SDK2: variants seen among roughly 807,000 people sequenced by gnomAD.
The protein encoded by SDK2 is sidekick cell adhesion molecule 2, also known as protein sidekick-2.
SDK2 carries 105 observed loss-of-function variants against 253.9 expected under a neutral mutation model. That is an observed-to-expected ratio of 0.41 (90% CI 0.35 to 0.49). The LOEUF (loss-of-function observed/expected upper bound fraction) is 0.49, where lower values mean the gene tolerates loss of function less well. Ranked by LOEUF, SDK2 falls within the 20% of genes least tolerant of loss-of-function variation. SDK2 has a pLI of 0.06. For synonymous variants in SDK2, 1,249 were observed against 1,234.9 expected (o/e 1.01, Z -0.24); for missense variants, 2,608 against 3,003.0 (o/e 0.87, Z 3.07).
chr17:73,411,679 C>T (rs148265436), intron 18 of SDK2, among the ~76,000 whole-genome samples: 3,660 of 152,188 alleles, frequency 0.024, 87 homozygotes, highest in Non-Finnish European at 0.033. Flanking sequence ...ACGAGAGAAC[C>T]GGGCCTGGGC....
At chr17:73,409,535 C>A (rs1034660272) in intron 18 of SDK2, among the ~76,000 whole-genome samples, 2 of 151,710 alleles carry the variant, frequency 1.3e-5, no homozygotes, top group Admixed American at 1.3e-4. Context: ...GAGGCTGAGG[C>A]ACAAGAATCG....
At chr17:73,595,662 A>T (rs1311555768) in intron 1 of SDK2, among the ~76,000 whole-genome samples, 2 of 152,212 alleles carry the variant, frequency 1.3e-5, no homozygotes, top group Non-Finnish European at 2.9e-5. Flanking sequence ...GCCCCAGGGC[A>T]GGCAGGAAGC....
intron 38 of SDK2, among the ~76,000 whole-genome samples, 165 bp from the exon 39 acceptor site, chr17:73,362,010 C>T (rs1284291183): frequency 2.0e-5 from 3 of 152,222 alleles, no homozygotes; most frequent in Admixed American, 2.0e-4. Context: ...AACCACATTG[C>T]CCATGCTGTG....
At chr17:73,535,934 A>T (rs55902840) in intron 1 of SDK2, among the ~76,000 whole-genome samples, 44,313 of 151,898 alleles carry the variant, frequency 0.29, 6,914 homozygotes, top group South Asian at 0.41. Context: ...CCCACCCACC[A>T]AGCACATCCT....
rs1260667764 is a variant in SDK2 at position 73,644,134 on chromosome 17, C to T, written c.-46G>A. The T allele has an allele frequency of 1.3e-6, 2 of 1,488,940 alleles. No individual in the cohort carries two copies. Among genetic ancestry groups the T allele is most frequent in the South Asian group, 2.4e-5 (2 of 82,654 alleles). The allele number at this position is 1,488,940 out of a possible 1,614,324, so 92.2% of individuals were successfully genotyped here. A position where few individuals can be genotyped will look rare whatever the true frequency, so the allele number is the denominator to read the frequency against. ...GTCCTCGGGGTCTCCCTTCCCTCCG[C>T]CCTGTTTTATAATCCTGGTGGGGTC... On this transcript the variant is annotated 5_prime_UTR_variant, in exon 1 of 45. Transcript: ENST00000392650. This position sits in a 1 kb window ranked among gnomAD's most constrained non-coding sequence, Gnocchi z 6.3.
chr17:73,595,473 C>T (rs905108451), intron 1 of SDK2, among the ~76,000 whole-genome samples: 2 of 152,154 alleles, frequency 1.3e-5, no homozygotes, highest in Non-Finnish European at 2.9e-5. Context: ...ACCAGCCTCC[C>T]ACACAGCCAT....
chr17:73,443,565 C>G lies in SDK2; in HGVS notation c.614-2642G>C, dbSNP rs1015422497. On this transcript the variant is annotated intron_variant, in intron 5 of 44. Transcript: ENST00000392650. This position sits in a 1 kb window ranked among gnomAD's most constrained non-coding sequence, Gnocchi z 4.6. ...AAGGCGAGTTCTGAGTTTAAAAATA[C>G]GAGGGCTGCCCCAGGGCTCAGGGCT... Among the ~76,000 whole-genome samples, 1 of 152,176 alleles carries G rather than the reference C, an allele frequency of 6.6e-6. No individual in the cohort carries two copies. Among genetic ancestry groups the G allele is most frequent in the Non-Finnish European group, 1.5e-5 (1 of 68,040 alleles).
intron 1 of SDK2, among the ~76,000 whole-genome samples, chr17:73,529,115 TG>T (rs1307922354): frequency 6.6e-6 from 1 of 152,184 alleles, no homozygotes; most frequent in Non-Finnish European, 1.5e-5. Flanking sequence ...TTCTGTCATA[TG>T]GGGAAACTAT....
intron 1 of SDK2, among the ~76,000 whole-genome samples, chr17:73,630,797 A>G (rs2143254526): frequency 6.6e-6 from 1 of 152,160 alleles, no homozygotes; most frequent in South Asian, 2.1e-4. Context: ...CTGAGCTGTC[A>G]AAAGCACCAC....
intron 1 of SDK2, among the ~76,000 whole-genome samples, chr17:73,578,245 A>C (rs2045484632): frequency 6.6e-6 from 1 of 151,924 alleles, no homozygotes; most frequent in African/African-American, 2.4e-5. Context: ...GTGTATTTTT[A>C]GTAGAGATGG....
chr17:73,570,172 C>A lies in SDK2; in HGVS notation c.65-62575G>T, dbSNP rs547584528. ...ACTGCTGAGCTTGGTGGACACAGGG[C>A]GACCACCCCAGGGGCCCAGCCTTGC... On this transcript the variant is annotated intron_variant, in intron 1 of 44. Transcript: ENST00000392650. The surrounding 1 kb of genome is among the most constrained non-coding windows in gnomAD (Gnocchi z 4.2). 6.6e-6 allele frequency among the ~76,000 whole-genome samples: 1 copy of A among 152,050 alleles called. No homozygotes were observed. Among genetic ancestry groups the A allele is most frequent in the African/African-American group, 2.4e-5 (1 of 41,394 alleles).
At chr17:73,426,208 CTTTTTTTTT>C (rs751417057) in intron 12 of SDK2, among the ~76,000 whole-genome samples, 221 of 29,170 alleles carry the variant, frequency 7.6e-3, no homozygotes, top group South Asian at 0.021. Flanking sequence ...CCATGCTGGG[CTTTTTTTTT>C]TTTTTTTTTT....
At chr17:73,385,011 G>A (rs1270543991) in intron 32 of SDK2, among the ~76,000 whole-genome samples, 1 of 152,226 alleles carries the variant, frequency 6.6e-6, no homozygotes, top group Non-Finnish European at 1.5e-5. Context: ...TCCTTGAGCT[G>A]TGTGTCTCAG....
intron 43 of SDK2, 139 bp downstream of exon 43, chr17:73,350,098 C>A (rs1462863820): frequency 1.2e-6 from 1 of 814,484 alleles, no homozygotes; most frequent in African/African-American, 1.7e-5. Context: ...CTGATCGTTC[C>A]CAGCCCTGGG....
chr17:73,427,270 A>G (rs1265072533), intron 12 of SDK2, among the ~76,000 whole-genome samples: 1 of 152,194 alleles, frequency 6.6e-6, no homozygotes, highest in Non-Finnish European at 1.5e-5. Context: ...CAGGTTAACA[A>G]CACTGTGAGA....
chr17:73,472,983 T>G (rs1352018270), intron 2 of SDK2, among the ~76,000 whole-genome samples: 4 of 152,210 alleles, frequency 2.6e-5, no homozygotes, highest in Non-Finnish European at 5.9e-5. Context: ...GTGAGTCCAT[T>G]AAACCTCTTT....
chr17:73,636,456 G>A (rs529910555), intron 1 of SDK2, among the ~76,000 whole-genome samples: 15 of 152,252 alleles, frequency 9.9e-5, no homozygotes, highest in Non-Finnish European at 2.1e-4. Flanking sequence ...GGGAGACCGA[G>A]GTGGGCGAGT....
At chr17:73,477,127 A>C (rs2063691707) in intron 2 of SDK2, among the ~76,000 whole-genome samples, 1 of 151,972 alleles carries the variant, frequency 6.6e-6, no homozygotes, top group African/African-American at 2.4e-5. Context: ...GCATTTGGCC[A>C]GCTTCTCGGT....
At chr17:73,615,410 C>G (rs1324696452) in intron 1 of SDK2, among the ~76,000 whole-genome samples, 1 of 152,328 alleles carries the variant, frequency 6.6e-6, no homozygotes, top group East Asian at 1.9e-4. Context: ...CCCAGTGGAG[C>G]TATATGCTCC....
Sources: gnomAD v4.1 joint callset for allele counts (sites outside exome capture counted in the v4.1 genomes callset) on GRCh38, gnomAD v4.1.1 for gene constraint, Gnocchi (gnomAD v3.1) non-coding constraint, MANE v1.5 for transcripts, NCBI Gene and HGNC (gene_info 2026-07-23, HGNC 2026-07-21) for gene names.